Variants in SSC5D observed in about 807,000 individuals in gnomAD.
SSC5D encodes scavenger receptor cysteine rich family member with 5 domains.
A neutral mutation model predicts 104.6 loss-of-function variants in SSC5D; 106 were observed. That is an observed-to-expected ratio of 1.01 (90% CI 0.87 to 1.19). SSC5D has a LOEUF of 1.19. Among genes scored for constraint, SSC5D ranks in the 50% most tolerant of loss-of-function variants. The probability of loss-of-function intolerance (pLI) is 0.00; values close to 1 mark genes in which losing one functional copy is unlikely to be tolerated. For synonymous variants in SSC5D, 860 were observed against 883.5 expected, an observed-to-expected ratio of 0.97 and a Z score of 0.47; for missense variants, 1,993 against 2,153.8, an observed-to-expected ratio of 0.93 and a Z score of 1.48.
At chr19:55,510,452 G>A (rs1987731289) in intron 12 of SSC5D, among the ~76,000 whole-genome samples, 1 of 152,192 alleles carries the variant, frequency 6.6e-6, no homozygotes, top group African/African-American at 2.4e-5. Flanking sequence ...AGGTTCAAGT[G>A]ATTTTCCTGC....
rs1179317376 is a variant in SSC5D, at chr19:55,497,828, G to A, written c.1388-52G>A. ...GGAGGGAAAGGTGGATGAAGAGTCAGGAGGCTGGGCGGCTTCCCCGACTCT... is the reference window on the plus strand; with the variant it reads ...GGAGGGAAAGGTGGATGAAGAGTCAAGAGGCTGGGCGGCTTCCCCGACTCT... On this transcript the variant is annotated intron_variant, in intron 8 of 13. Transcript: ENST00000389623. 5.5e-6 allele frequency: 8 copies of A among 1,462,874 alleles called. No individual in the cohort carries two copies. The Admixed American group carries it at 1.4e-4, about 25-fold the overall frequency. 90.6% of individuals were successfully genotyped at this position (1,462,874 alleles called of 1,614,324 possible). A position where few individuals can be genotyped will look rare whatever the true frequency, so the allele number is the denominator to read the frequency against.
intron 12 of SSC5D, among the ~76,000 whole-genome samples, chr19:55,511,257 G>A (rs1987749988): frequency 6.6e-6 from 1 of 152,194 alleles, no homozygotes; most frequent in African/African-American, 2.4e-5. Context: ...TTTGACCCTT[G>A]TTCTATCAGC....
At position 55,518,663 on chromosome 19, in the gene SSC5D, C is replaced by G; in HGVS notation, c.4387C>G (p.Pro1463Ala). Residue 1463 changes from proline to alanine, a missense_variant, in exon 14 of 14, where the codon CCT (proline) becomes GCT (alanine). Transcript: ENST00000389623. ...PLDPLTLGPTPGQSPGPHGPC... is the reference protein window; with the variant it reads ...PLDPLTLGPTAGQSPGPHGPC... ...TGACCCCCTCACCCTAGGGCCAACT[C>G]CTGGTCAGAGCCCAGGCCCCCATGG... The G allele has an allele frequency of 6.5e-7, 1 of 1,544,796 alleles. No homozygotes were observed. Among genetic ancestry groups the G allele is most frequent in the Non-Finnish European group, 8.7e-7 (1 of 1,144,014 alleles).
intron 12 of SSC5D, among the ~76,000 whole-genome samples, chr19:55,512,563 C>T (rs1416669397): frequency 6.6e-6 from 1 of 151,624 alleles, no homozygotes; most frequent in African/African-American, 2.4e-5. Context: ...CTCACTGCAA[C>T]CTCTGTCTCC....
chr19:55,493,125 G>A (rs573919047), intron 6 of SSC5D, among the ~76,000 whole-genome samples: 1 of 152,308 alleles, frequency 6.6e-6, no homozygotes, highest in East Asian at 1.9e-4. Context: ...AGGGAGTGAG[G>A]GCTTTCTCAT....
chr19:55,516,235 T>C (rs1200879979), intron 13 of SSC5D, among the ~76,000 whole-genome samples: 5 of 151,064 alleles, frequency 3.3e-5, no homozygotes, highest in Non-Finnish European at 7.4e-5. Context: ...CGATGGCTCA[T>C]GCCTGTAATC....
Position 55,500,037 on chromosome 19 carries a change from C to A in SSC5D, c.1927C>A (p.Pro643Thr). 8 of 1,551,806 alleles carry A rather than the reference C, an allele frequency of 5.2e-6. No homozygotes were observed. Among genetic ancestry groups the A allele is most frequent in the African/African-American group, 1.4e-5 (1 of 73,098 alleles). Residue 643 changes from proline (P) to threonine (T), a missense_variant, in exon 10 of 14, where the codon CCC becomes ACC. Physicochemically the swap from Pro to Thr is conservative, Grantham distance 38 (BLOSUM62 -1). Coordinates refer to ENST00000389623, the MANE Select transcript of SSC5D (RefSeq NM_001144950.2). The surrounding 1 kb of genome is among the most constrained non-coding windows in gnomAD (Gnocchi z 4.6). ...TKNAKRPTTQ[P>T]PVMPTTKHSR... ...AAATGCAAAGAGACCAACCACTCAA[C>A]CCCCAGTGATGCCAACCACGAAACA...
intron 8 of SSC5D, among the ~76,000 whole-genome samples, chr19:55,495,386 A>G (rs1438971169): frequency 6.9e-6 from 1 of 144,596 alleles, no homozygotes; most frequent in Non-Finnish European, 1.5e-5. Flanking sequence ...AGTAGCTGGG[A>G]CTACTAATTT....
chr19:55,497,848 G>T (rs7254234), intron 8 of SSC5D, 32 bp from the exon 9 acceptor site: 2 of 1,486,036 alleles, frequency 1.3e-6, no homozygotes, highest in Non-Finnish European at 1.8e-6. Context: ...CGGCTTCCCC[G>T]ACTCTAATTC....
chr19:55,514,536 G>C (rs1987828089), intron 13 of SSC5D, among the ~76,000 whole-genome samples: 1 of 149,984 alleles, frequency 6.7e-6, no homozygotes, highest in South Asian at 2.1e-4. Flanking sequence ...GGGAGGCGGA[G>C]GTTGCAGTGA....
In SSC5D at chr19:55,506,373, A is replaced by ATTTTTTT. The variant is rs869296361; in HGVS notation, c.2785+5205_2785+5211dup. 1.1e-4 allele frequency among the ~76,000 whole-genome samples: 8 copies of ATTTTTTT among 72,062 alleles called. 1 individual carries two copies. The highest frequency in any genetic ancestry group is 4.4e-4 in the African/African-American group (8 of 18,032). 47.3% of individuals were successfully genotyped at this position (72,062 alleles called of 152,430 possible). A position where few individuals can be genotyped will look rare whatever the true frequency, so the allele number is the denominator to read the frequency against. On this transcript the variant is annotated intron_variant, in intron 12 of 13. Coordinates refer to ENST00000389623, the MANE Select transcript of SSC5D (RefSeq NM_001144950.2). ...GAGATTGGAGGCCTGTGGAATTTGGATTTTTTTTTTTTTTTTTTTTTTTTT... is the reference window on the plus strand; with the variant it reads ...GAGATTGGAGGCCTGTGGAATTTGGATTTTTTTTTTTTTTTTTTTTTTTTTTTTTTTT...
At position 55,490,343 on chromosome 19, in the gene SSC5D, GC is replaced by G; in HGVS notation, c.526del (p.Arg176GlyfsTer13). 1.4e-5 allele frequency: 21 copies of G among 1,510,068 alleles called. No individual in the cohort carries two copies. Among genetic ancestry groups the G allele is most frequent in the African/African-American group, 2.8e-5 (2 of 71,872 alleles). 93.5% of individuals were successfully genotyped at this position (1,510,068 alleles called of 1,614,324 possible). A position where few individuals can be genotyped will look rare whatever the true frequency, so the allele number is the denominator to read the frequency against. ...CCCCAGAACGCCTCCCGGAAGAAGAGCCCCCGGCCCAAGCAGGCCAAGTCCA... is the reference window on the plus strand; with the variant it reads ...CCCCAGAACGCCTCCCGGAAGAAGAGCCCCGGCCCAAGCAGGCCAAGTCCA... The part of the protein sequence containing the change: ...GNPQNASRKK[S>X]PRPKQAKSTR... On this transcript the variant is annotated frameshift_variant, in exon 5 of 14. Transcript: ENST00000389623. LOFTEE classifies it high-confidence loss of function.
At position 55,506,373 on chromosome 19, in the gene SSC5D, A is replaced by ATTTTT. The variant is rs869296361; in HGVS notation, c.2785+5207_2785+5211dup. On this transcript the variant is annotated intron_variant, in intron 12 of 13. Coordinates refer to ENST00000389623, the MANE Select transcript of SSC5D (RefSeq NM_001144950.2). ...GAGATTGGAGGCCTGTGGAATTTGG[A>ATTTTT]TTTTTTTTTTTTTTTTTTTTTTTTT... 2.5e-4 allele frequency among the ~76,000 whole-genome samples: 18 copies of ATTTTT among 72,064 alleles called. 3 individuals are homozygous for ATTTTT. The highest frequency in any genetic ancestry group is 9.4e-4 in the African/African-American group (17 of 18,034). 47.3% of individuals were successfully genotyped at this position (72,064 alleles called of 152,430 possible).
In SSC5D at chr19:55,508,190, T is replaced by C. The variant is rs555976175; in HGVS notation, c.2786-4821T>C. Among the ~76,000 whole-genome samples, 4 of 152,222 alleles carry C rather than the reference T, an allele frequency of 2.6e-5. No individual in the cohort carries two copies. In the South Asian group the frequency reaches 6.2e-4, roughly 24 times the overall value. ...TGGAATTTGAAGCTGTGGGAGTGGA[T>C]GTGACTGCACAGATAGACAGCTGTG... On this transcript the variant is annotated intron_variant, in intron 12 of 13. Coordinates refer to ENST00000389623, the MANE Select transcript of SSC5D (RefSeq NM_001144950.2).
chr19:55,495,946 G>GTCC (rs1156685877), intron 8 of SSC5D, among the ~76,000 whole-genome samples: 1 of 103,338 alleles, frequency 9.7e-6, no homozygotes, highest in Non-Finnish European at 1.8e-5. Context: ...CCTCACTATT[G>GTCC]TCCAGGTTGG....
At chr19:55,504,134 C>A (rs753990816) in intron 12 of SSC5D, 1 of 1,535,412 alleles carries the variant, frequency 6.5e-7, no homozygotes. Context: ...GCGGGAGCTC[C>A]GAGAGGTGAT....
At chr19:55,502,531 T>C (rs1178286118) in intron 12 of SSC5D, among the ~76,000 whole-genome samples, 1 of 152,132 alleles carries the variant, frequency 6.6e-6, no homozygotes, top group Non-Finnish European at 1.5e-5. Flanking sequence ...AGTCTCACAC[T>C]CTCATCTCTG....
Position 55,518,365 on chromosome 19 carries a change from C to T in SSC5D, c.4089C>T (p.His1363=), listed in dbSNP as rs1295591865. 2 of 1,551,288 alleles carry T rather than the reference C, an allele frequency of 1.3e-6. No individual in the cohort carries two copies. The highest frequency in any genetic ancestry group is 2.4e-5 in the South Asian group (2 of 84,026). ...CACCAACAGTCAAGCCCAGTCTGCACCCCCAGTTGACCTTCACAGCACCTG... is the reference window on the plus strand; with the variant it reads ...CACCAACAGTCAAGCCCAGTCTGCATCCCCAGTTGACCTTCACAGCACCTG... ...TLAPTVKPSL[H]PQLTFTAPAP... Residue 1363 remains histidine (H), a synonymous_variant, in exon 14 of 14, where the codon CAC becomes CAT. Transcript: ENST00000389623.
chr19:55,494,863 G>C lies in SSC5D; in HGVS notation c.1387+80G>C, dbSNP rs1322974042. 2.1e-6 allele frequency: 3 copies of C among 1,421,092 alleles called. No individual in the cohort carries two copies. In the African/African-American group the frequency reaches 4.4e-5, roughly 21 times the overall value. 88.0% of individuals were successfully genotyped at this position (1,421,092 alleles called of 1,614,324 possible). A position where few individuals can be genotyped will look rare whatever the true frequency, so the allele number is the denominator to read the frequency against. ...CTCAGCTCTGAGACTGTCTCATGGG[G>C]GGCCTCTTGCAAAGAGAAAGGTGGA... On this transcript the variant is annotated intron_variant, in intron 8 of 13. Transcript: ENST00000389623.
Sources: gnomAD v4.1 joint callset for allele counts (sites outside exome capture counted in the v4.1 genomes callset) on GRCh38, gnomAD v4.1.1 for gene constraint, Gnocchi (gnomAD v3.1) non-coding constraint, MANE v1.5 for transcripts, NCBI Gene and HGNC (gene_info 2026-07-23, HGNC 2026-07-21) for gene names.